The following CLVS1 variants were observed in gnomAD, a reference collection of about 807,000 sequenced individuals.
The protein encoded by CLVS1 is clavesin 1, also known as clavesin-1.
In CLVS1, 10 loss-of-function variants were observed where a neutral mutation model predicts 33.1. That is an observed-to-expected ratio of 0.30 (90% CI 0.19 to 0.51). The LOEUF (loss-of-function observed/expected upper bound fraction) is 0.51, where lower values mean the gene tolerates loss of function less well. Among genes scored for constraint, CLVS1 ranks in the 20% least tolerant of loss-of-function variants. The probability of loss-of-function intolerance (pLI) is 0.97; values close to 1 mark genes in which losing one functional copy is unlikely to be tolerated. For synonymous variants in CLVS1, 163 were observed against 166.1 expected, an observed-to-expected ratio of 0.98 and a Z score of 0.14; for missense variants, 343 against 433.4, an observed-to-expected ratio of 0.79 and a Z score of 1.85.
At chr8:61,055,644 G>T (rs376977349), upstream of CLVS1, among the ~76,000 whole-genome samples, 1 of 152,202 alleles carries the variant, frequency 6.6e-6, no homozygotes, top group Admixed American at 6.5e-5. Flanking sequence ...TTGTGGAGAC[G>T]TAGAAGCAGA....
At chr8:60,990,120 A>G in the CLVS1 span, among the ~76,000 whole-genome samples, 4 of 108,014 alleles carry the variant, frequency 3.7e-5, no homozygotes, top group Non-Finnish European at 7.2e-5. Flanking sequence ...GCAAGACTCC[A>G]TCTCCAAAAA....
intron 2 of CLVS1, among the ~76,000 whole-genome samples, chr8:61,215,817 G>T (rs1320297031): frequency 6.6e-6 from 1 of 151,852 alleles, no homozygotes; most frequent in Non-Finnish European, 1.5e-5. Context: ...GGAGAGCTTT[G>T]TTGTTTTCCA....
chr8:61,083,035 A>C (rs1431162774), intron 1 of CLVS1, among the ~76,000 whole-genome samples: 1 of 152,198 alleles, frequency 6.6e-6, no homozygotes, highest in African/African-American at 2.4e-5. Context: ...ACAAACAAAC[A>C]TTAAGGAGGT....
chr8:61,393,722 C>G (rs1052472044), intron 3 of CLVS1, among the ~76,000 whole-genome samples: 4 of 152,174 alleles, frequency 2.6e-5, no homozygotes, highest in African/African-American at 4.8e-5. Context: ...CTGACTGGTG[C>G]TGGAGAATGT....
rs527885163 is a variant in CLVS1, at chr8:61,258,155, AT to A, written c.-151-41521del. The stretch of plus-strand genomic sequence containing the variant: ...AACGCTCTTGCCTTTTTTAATTTAG[AT>A]GGAGGCAAATCTCATTTTAATAGCA... On this transcript the variant is annotated intron_variant, in intron 2 of 2. Coordinates refer to the CLVS1 transcript ENST00000522621. 2.7e-4 allele frequency among the ~76,000 whole-genome samples: 41 copies of A among 152,278 alleles called. No homozygotes were observed. The South Asian group carries it at 8.3e-3, about 31-fold the overall frequency.
chr8:60,982,160 A>G, the CLVS1 span, among the ~76,000 whole-genome samples: 1 of 152,244 alleles, frequency 6.6e-6, no homozygotes, highest in Non-Finnish European at 1.5e-5. Flanking sequence ...GTCAGTGAAC[A>G]AAGTAATTAA....
the CLVS1 span, among the ~76,000 whole-genome samples, chr8:60,971,118 C>T: frequency 7.4e-6 from 1 of 135,188 alleles, no homozygotes; most frequent in Non-Finnish European, 1.5e-5. Flanking sequence ...CTCTGTCACC[C>T]ATGCTGGAGT....
intron 2 of CLVS1, among the ~76,000 whole-genome samples, chr8:61,308,031 C>T (rs1810692621): frequency 6.6e-6 from 1 of 152,206 alleles, no homozygotes; most frequent in Non-Finnish European, 1.5e-5. Flanking sequence ...CAACTTGGCT[C>T]AGAGCAGCAC....
chr8:60,996,645 C>G, the CLVS1 span, among the ~76,000 whole-genome samples: 1 of 152,182 alleles, frequency 6.6e-6, no homozygotes, highest in African/African-American at 2.4e-5. Context: ...TCCCAGGTGA[C>G]GAATGCCACC....
intron 3 of CLVS1, among the ~76,000 whole-genome samples, chr8:61,416,979 G>A (rs1010938744): frequency 6.6e-6 from 1 of 152,166 alleles, no homozygotes; most frequent in Admixed American, 6.5e-5. Context: ...CAAGCCCAGT[G>A]GAAGCCACTT....
chr8:61,268,980 T>C (rs1452545121), intron 2 of CLVS1, among the ~76,000 whole-genome samples: 2 of 128,322 alleles, frequency 1.6e-5, no homozygotes, highest in African/African-American at 3.0e-5. Context: ...CTGTTCACTC[T>C]GATGGTAGTT....
At chr8:61,019,163 T>A in the CLVS1 span, among the ~76,000 whole-genome samples, 59 of 152,372 alleles carry the variant, frequency 3.9e-4, no homozygotes, top group African/African-American at 1.3e-3. Flanking sequence ...ATTTTAAAAG[T>A]CAGCTGGGCT....
intron 1 of CLVS1, among the ~76,000 whole-genome samples, chr8:61,101,585 T>C (rs926563209): frequency 1.3e-5 from 2 of 152,178 alleles, no homozygotes; most frequent in African/African-American, 4.8e-5. Flanking sequence ...TCACTTTCTG[T>C]GTGGTGCTTT....
chr8:61,494,902 AG>A (rs1037582229), intron 5 of CLVS1, among the ~76,000 whole-genome samples: 9 of 152,222 alleles, frequency 5.9e-5, no homozygotes, highest in African/African-American at 2.2e-4. Context: ...GAAAGTAAAA[AG>A]ACTGTATGGT....
chr8:61,080,905 G>A (rs997209534), intron 1 of CLVS1, among the ~76,000 whole-genome samples: 1 of 152,196 alleles, frequency 6.6e-6, no homozygotes, highest in South Asian at 2.1e-4. Context: ...CATAAAAGAG[G>A]TGGTGTTTGA....
the CLVS1 span, among the ~76,000 whole-genome samples, chr8:61,036,022 T>G: frequency 1.3e-5 from 2 of 152,094 alleles, no homozygotes; most frequent in Non-Finnish European, 2.9e-5. Flanking sequence ...ACTTCCCTCC[T>G]CATTTCCCAC....
the CLVS1 span, among the ~76,000 whole-genome samples, chr8:61,033,086 GGAAA>G: frequency 6.6e-5 from 7 of 105,580 alleles, 1 homozygote; most frequent in Admixed American, 9.9e-5. Flanking sequence ...AAGGAAGGAA[GGAAA>G]GAAAGAAAGA....
chr8:61,232,022 G>GTTTTTTTTTTTTTTTTTTTTTTTTTTTT lies in CLVS1; in HGVS notation c.-151-67655_-151-67654insTTTTTTTTTTTTTTTTTTTTTTTTTTTT, dbSNP rs376185436. Among the ~76,000 whole-genome samples the GTTTTTTTTTTTTTTTTTTTTTTTTTTTT allele has an allele frequency of 6.0e-5, 7 of 117,068 alleles. 2 individuals carry two copies. Among genetic ancestry groups the GTTTTTTTTTTTTTTTTTTTTTTTTTTTT allele is most frequent in the African/African-American group, 2.2e-4 (5 of 22,318 alleles). 76.8% of individuals were successfully genotyped at this position (117,068 alleles called of 152,430 possible). On this transcript the variant is annotated intron_variant, in intron 2 of 2. Transcript: ENST00000522621. ...GAGAAGGAGCCCTGAGGAAAGTTGTGGTTTTTTTTTTTTTTTTTTTTTTTT... is the reference window on the plus strand; with the variant it reads ...GAGAAGGAGCCCTGAGGAAAGTTGTGTTTTTTTTTTTTTTTTTTTTTTTTTTTTGTTTTTTTTTTTTTTTTTTTTTTTT...
intron 2 of CLVS1, among the ~76,000 whole-genome samples, chr8:61,332,807 A>G (rs1291990433): frequency 6.6e-6 from 1 of 152,026 alleles, no homozygotes; most frequent in African/African-American, 2.4e-5. Flanking sequence ...ATGCCCGGGT[A>G]GGTTTTTAGT....
Sources: allele counts gnomAD v4.1 joint callset (sites outside exome capture counted in the v4.1 genomes callset), GRCh38; gene constraint gnomAD v4.1.1; transcripts MANE v1.5; gene names NCBI Gene and HGNC (gene_info 2026-07-23, HGNC 2026-07-21).